GRID2: variants seen among roughly 807,000 people sequenced by gnomAD.
The protein encoded by GRID2 is glutamate receptor ionotropic, delta-2.
GRID2 carries 33 observed loss-of-function variants against 114.8 expected under a neutral mutation model. The observed-to-expected ratio is 0.29, with a 90% CI of 0.22 to 0.38. The LOEUF (loss-of-function observed/expected upper bound fraction) is 0.38. GRID2 is among the 10% of genes least tolerant of loss of function. The pLI is 1.00. For missense variants in GRID2, 1,184 were observed against 1,257.7 expected, an observed-to-expected ratio of 0.94 and a Z score of 0.89; for synonymous variants, 505 against 449.9, an observed-to-expected ratio of 1.12 and a Z score of -1.55.
At chr4:93,738,526 A>C (rs1242037941) in intron 14 of GRID2, among the ~76,000 whole-genome samples, 2 of 152,130 alleles carry the variant, frequency 1.3e-5, no homozygotes. Flanking sequence ...CTAGGGGAAG[A>C]CTTAATAAAT....
intron 2 of GRID2, among the ~76,000 whole-genome samples, chr4:92,644,946 C>A (rs923686868): frequency 6.0e-5 from 9 of 151,044 alleles, no homozygotes; most frequent in African/African-American, 1.9e-4. Context: ...CAGCTGTCAT[C>A]CAAACATTTT....
chr4:92,995,237 A>G (rs1755129131), intron 2 of GRID2, among the ~76,000 whole-genome samples: 1 of 152,050 alleles, frequency 6.6e-6, no homozygotes, highest in African/African-American at 2.4e-5. Context: ...TCACAAGTGG[A>G]TACATCTCTC....
Position 92,588,678 on chromosome 4 carries a change from CAAAA to C in GRID2, c.89-1431_89-1428del, listed in dbSNP as rs1209254541. Reference sequence around the variant, plus strand: ...TGGGCAACAGAGTGAGACTCCGTCTCAAAAAAAAAAAAAAAAAAAAAAAAATTCT... The same window carrying C: ...TGGGCAACAGAGTGAGACTCCGTCTCAAAAAAAAAAAAAAAAAAAAATTCT... On this transcript the variant is annotated intron_variant, in intron 1 of 15. Transcript: ENST00000282020. 5.2e-3 allele frequency among the ~76,000 whole-genome samples: 365 copies of C among 70,290 alleles called. 1 individual carries two copies. Among genetic ancestry groups the C allele is most frequent in the African/African-American group, 0.01 (182 of 17,732 alleles). The allele number at this position is 70,290 out of a possible 152,430, so 46.1% of individuals were successfully genotyped here.
intron 1 of GRID2, among the ~76,000 whole-genome samples, chr4:92,551,660 C>T (rs1726596541): frequency 6.6e-6 from 1 of 152,088 alleles, no homozygotes; most frequent in South Asian, 2.1e-4. Context: ...AATTAATGGA[C>T]TTATACTGCA....
At chr4:93,309,793 T>C (rs757588326) in intron 8 of GRID2, among the ~76,000 whole-genome samples, 4 of 152,122 alleles carry the variant, frequency 2.6e-5, no homozygotes, top group Non-Finnish European at 5.9e-5. Context: ...CTCCTTGACA[T>C]AAAATTCAAC....
chr4:93,251,115 A>G (rs1019040354), intron 8 of GRID2, among the ~76,000 whole-genome samples: 1 of 152,160 alleles, frequency 6.6e-6, no homozygotes, highest in Non-Finnish European at 1.5e-5. Flanking sequence ...TTCAAGAAAC[A>G]TTATTTCTAG....
intron 2 of GRID2, among the ~76,000 whole-genome samples, chr4:92,946,451 C>A (rs994762340): frequency 3.9e-5 from 6 of 151,956 alleles, no homozygotes; most frequent in African/African-American, 1.4e-4. Flanking sequence ...TCACTTTCTT[C>A]TGAAGTAGCT....
chr4:92,534,658 G>A (rs1725518233), intron 1 of GRID2, among the ~76,000 whole-genome samples: 1 of 152,022 alleles, frequency 6.6e-6, no homozygotes, highest in Non-Finnish European at 1.5e-5. Context: ...AACAAATATT[G>A]CATTTTTCCC....
At chr4:93,062,753 G>C (rs771648759) in intron 2 of GRID2, among the ~76,000 whole-genome samples, 7 of 151,948 alleles carry the variant, frequency 4.6e-5, no homozygotes, top group Non-Finnish European at 7.4e-5. Context: ...ACTCTTGAAA[G>C]GGAACGAAGT....
rs575339360 is a variant in GRID2, at chr4:92,679,456, T to C, written c.244+89170T>C. On this transcript the variant is annotated intron_variant, in intron 2 of 15. Transcript: ENST00000282020. ...ATCACCCTGAAATCTTCCATCTTAC[T>C]TTTCAGATGTTTTTCACTATACCTA... 5.3e-5 allele frequency among the ~76,000 whole-genome samples: 8 copies of C among 152,178 alleles called. No homozygotes were observed. The East Asian group carries it at 1.5e-3, about 29-fold the overall frequency.
At chr4:92,957,853 T>C (rs1208864114) in intron 2 of GRID2, among the ~76,000 whole-genome samples, 1 of 152,064 alleles carries the variant, frequency 6.6e-6, no homozygotes, top group Non-Finnish European at 1.5e-5. Context: ...GTTTTCCTCA[T>C]ATAGATTCTG....
chr4:93,456,466 C>A (rs1474535959), intron 11 of GRID2, among the ~76,000 whole-genome samples: 2 of 152,080 alleles, frequency 1.3e-5, no homozygotes, highest in African/African-American at 2.4e-5. Flanking sequence ...TGTGTTTTAT[C>A]TTTTACTTTG....
chr4:92,918,998 G>T (rs546553807), intron 2 of GRID2, among the ~76,000 whole-genome samples: 1 of 152,248 alleles, frequency 6.6e-6, no homozygotes, highest in Non-Finnish European at 1.5e-5. Flanking sequence ...TTTTTGGTTA[G>T]TAAGCTATTA....
chr4:92,458,973 T>G (rs975402309), intron 1 of GRID2, among the ~76,000 whole-genome samples: 6 of 152,184 alleles, frequency 3.9e-5, no homozygotes, highest in Non-Finnish European at 7.4e-5. Context: ...TTGGTTTAAG[T>G]CCTATGGTCT....
chr4:92,771,412 T>A (rs1416993123), intron 2 of GRID2, among the ~76,000 whole-genome samples: 1 of 152,198 alleles, frequency 6.6e-6, no homozygotes, highest in Non-Finnish European at 1.5e-5. Flanking sequence ...TTTAAAATAG[T>A]AATCTGTTTT....
At chr4:92,417,856 A>G (rs1317018553) in intron 1 of GRID2, among the ~76,000 whole-genome samples, 3 of 152,088 alleles carry the variant, frequency 2.0e-5, no homozygotes, top group Non-Finnish European at 4.4e-5. Context: ...GTGGTAGTGA[A>G]TAAGTCTCAT....
intron 12 of GRID2, among the ~76,000 whole-genome samples, chr4:93,492,300 A>G (rs184185208): frequency 4.4e-4 from 67 of 152,018 alleles, no homozygotes; most frequent in African/African-American, 1.5e-3. Context: ...AATACATACT[A>G]TGAATAACTC....
At chr4:92,392,156 A>C (rs557116594) in intron 1 of GRID2, among the ~76,000 whole-genome samples, 1 of 152,246 alleles carries the variant, frequency 6.6e-6, no homozygotes, top group African/African-American at 2.4e-5. Context: ...TCTTTTTAAA[A>C]CGTTTGCTTT....
intron 4 of GRID2, among the ~76,000 whole-genome samples, chr4:93,200,490 C>T (rs1579271242): frequency 1.3e-5 from 2 of 151,962 alleles, no homozygotes; most frequent in East Asian, 1.9e-4. Context: ...GGCGTGAACC[C>T]GGGAGGTGGA....
Sources: gnomAD v4.1 joint callset for allele counts (sites outside exome capture counted in the v4.1 genomes callset) on GRCh38, gnomAD v4.1.1 for gene constraint, MANE v1.5 for transcripts, NCBI Gene and HGNC (gene_info 2026-07-23, HGNC 2026-07-21) for gene names.